Variants in GRIK4 observed in about 807,000 individuals in gnomAD.
GRIK4 encodes glutamate ionotropic receptor kainate type subunit 4.
GRIK4 carries 40 observed loss-of-function variants against 104.9 expected under a neutral mutation model. The observed-to-expected ratio is 0.38, with a 90% CI of 0.30 to 0.50. The LOEUF (loss-of-function observed/expected upper bound fraction) is 0.50, where lower values mean the gene tolerates loss of function less well. GRIK4 is among the 20% of genes least tolerant of loss of function. The pLI, the probability that GRIK4 is intolerant of heterozygous loss-of-function variation, is 0.93. For synonymous variants in GRIK4, 485 were observed against 524.9 expected (o/e 0.92, Z 1.04); for missense variants, 1,047 against 1,308.1 (o/e 0.80, Z 3.08).
intron 1 of GRIK4, among the ~76,000 whole-genome samples, chr11:120,530,060 G>T (rs1190794333): frequency 1.3e-5 from 2 of 152,186 alleles, no homozygotes; most frequent in African/African-American, 4.8e-5. Context: ...GTCCTATGAG[G>T]CCCCATGTTC....
At chr11:120,572,868 A>T (rs988717390) in intron 1 of GRIK4, among the ~76,000 whole-genome samples, 2 of 152,078 alleles carry the variant, frequency 1.3e-5, no homozygotes, top group Admixed American at 1.3e-4. Flanking sequence ...AAATGACCCA[A>T]CTAAGGCCAT....
intron 8 of GRIK4, among the ~76,000 whole-genome samples, chr11:120,844,820 T>G (rs1565388024): frequency 2.0e-5 from 3 of 152,182 alleles, no homozygotes; most frequent in East Asian, 3.8e-4. Flanking sequence ...AGACACAATT[T>G]CAGGGGTTCT....
chr11:120,528,692 A>G (rs1287707355), intron 1 of GRIK4, among the ~76,000 whole-genome samples: 1 of 152,216 alleles, frequency 6.6e-6, no homozygotes, highest in Non-Finnish European at 1.5e-5. Flanking sequence ...CACATCTTAC[A>G]TGAATGGCAG....
rs371905973 is a variant in GRIK4 at position 120,802,980 on chromosome 11, G to A, written c.247+123G>A. The A allele has an allele frequency of 6.8e-6, 6 of 878,888 alleles. No homozygotes were observed. The African/African-American group carries it at 8.4e-5, about 12-fold the overall frequency. The allele number at this position is 878,888 out of a possible 1,614,324, so 54.4% of individuals were successfully genotyped here. ...TCTGATGTCGATATTTCCAGAGGAAGGAGAGGAACTTGAACCAGGAGGTCC... is the reference window on the plus strand; with the variant it reads ...TCTGATGTCGATATTTCCAGAGGAAAGAGAGGAACTTGAACCAGGAGGTCC... On this transcript the variant is annotated intron_variant, in intron 4 of 20. Coordinates refer to ENST00000527524, the MANE Select transcript of GRIK4 (RefSeq NM_014619.5).
At chr11:120,928,912 G>A (rs1422809590) in intron 13 of GRIK4, among the ~76,000 whole-genome samples, 2 of 152,192 alleles carry the variant, frequency 1.3e-5, no homozygotes, top group Non-Finnish European at 2.9e-5. Flanking sequence ...CTGGCCCAGT[G>A]AGCAGGGATG....
At chr11:120,973,631 A>C (rs1309430969) in intron 19 of GRIK4, among the ~76,000 whole-genome samples, 2 of 152,240 alleles carry the variant, frequency 1.3e-5, no homozygotes, top group Admixed American at 1.3e-4. Flanking sequence ...CTACTGTCCC[A>C]GCCATAGCTG....
intron 1 of GRIK4, among the ~76,000 whole-genome samples, chr11:120,528,209 T>C (rs1947880791): frequency 6.6e-6 from 1 of 152,210 alleles, no homozygotes; most frequent in Non-Finnish European, 1.5e-5. Context: ...ACTGCTGAGC[T>C]CAAGCAGTCT....
chr11:120,594,675 A>G (rs757700886), intron 1 of GRIK4, among the ~76,000 whole-genome samples: 8 of 152,096 alleles, frequency 5.3e-5, no homozygotes, highest in Non-Finnish European at 1.0e-4. Flanking sequence ...TTGTTCAGAT[A>G]TAGGGTACTT....
chr11:120,587,412 C>G (rs527345618), intron 1 of GRIK4, among the ~76,000 whole-genome samples: 1 of 152,282 alleles, frequency 6.6e-6, no homozygotes, highest in African/African-American at 2.4e-5. Flanking sequence ...GGGTTTGAAT[C>G]TTAGCTCTGC....
intron 1 of GRIK4, among the ~76,000 whole-genome samples, chr11:120,575,491 A>G (rs1217341987): frequency 6.6e-6 from 1 of 152,048 alleles, no homozygotes; most frequent in Non-Finnish European, 1.5e-5. Flanking sequence ...AAGAAATGCA[A>G]AGAGCTTTCT....
At chr11:120,984,171 A>T (rs528059932) in intron 20 of GRIK4, among the ~76,000 whole-genome samples, 1 of 152,254 alleles carries the variant, frequency 6.6e-6, no homozygotes, top group Non-Finnish European at 1.5e-5. Flanking sequence ...AGCAGTCCCA[A>T]TAGCTAAAAT....
In GRIK4 at chr11:120,967,930, A is replaced by C. The variant is rs989495017; in HGVS notation, c.2395+607A>C. Among the ~76,000 whole-genome samples the C allele has an allele frequency of 2.0e-5, 3 of 151,238 alleles. No homozygotes were observed. The highest frequency in any genetic ancestry group is 7.3e-5 in the African/African-American group (3 of 41,176). On this transcript the variant is annotated intron_variant, in intron 19 of 20. Coordinates refer to ENST00000527524, the MANE Select transcript of GRIK4 (RefSeq NM_014619.5). This position sits in a 1 kb window ranked among gnomAD's most constrained non-coding sequence, Gnocchi z 4.2. Reference sequence around the variant, plus strand: ...TCGAAGAGCTCTTCACTCCCACCCTACACATTTCTCTCCATCACCTTAACC... The same window carrying C: ...TCGAAGAGCTCTTCACTCCCACCCTCCACATTTCTCTCCATCACCTTAACC...
At chr11:120,583,973 C>G (rs75434099) in intron 1 of GRIK4, among the ~76,000 whole-genome samples, 1 of 152,144 alleles carries the variant, frequency 6.6e-6, no homozygotes, top group African/African-American at 2.4e-5. Flanking sequence ...CTTTTTGTGG[C>G]TATTGTGAAT....
intron 11 of GRIK4, among the ~76,000 whole-genome samples, chr11:120,879,618 C>A (rs966689539): frequency 1.3e-5 from 2 of 152,160 alleles, no homozygotes; most frequent in African/African-American, 2.4e-5. Flanking sequence ...TTGGGACTGA[C>A]CTTGTGGAGC....
chr11:120,750,649 G>A (rs3132781), intron 3 of GRIK4, among the ~76,000 whole-genome samples: 16,990 of 152,116 alleles, frequency 0.11, 1,219 homozygotes, highest in South Asian at 0.24. Context: ...GATTACAGGC[G>A]TGAGCTGCCA....
At chr11:120,653,251 A>G (rs751135780) in intron 1 of GRIK4, among the ~76,000 whole-genome samples, 1 of 152,240 alleles carries the variant, frequency 6.6e-6, no homozygotes, top group Non-Finnish European at 1.5e-5. Context: ...GTCTCTTTCC[A>G]TTGAGAGAGA....
intron 1 of GRIK4, among the ~76,000 whole-genome samples, chr11:120,598,120 C>A (rs1405811947): frequency 6.6e-6 from 1 of 152,176 alleles, no homozygotes; most frequent in Non-Finnish European, 1.5e-5. Context: ...CCCTTCTGTT[C>A]TTTCCACTCT....
At chr11:120,644,058 AG>A (rs797002762) in intron 1 of GRIK4, among the ~76,000 whole-genome samples, 15,390 of 103,658 alleles carry the variant, frequency 0.15, 1,135 homozygotes, top group African/African-American at 0.28. Flanking sequence ...AGAGAGAGAG[AG>A]GAGAGAGAGA....
intron 9 of GRIK4, among the ~76,000 whole-genome samples, chr11:120,862,875 A>T (rs972719822): frequency 6.6e-6 from 1 of 152,112 alleles, no homozygotes; most frequent in African/African-American, 2.4e-5. Context: ...CATTATACAC[A>T]ATATTTTATT....
Sources: gnomAD v4.1 joint callset for allele counts (sites outside exome capture counted in the v4.1 genomes callset) on GRCh38, gnomAD v4.1.1 for gene constraint, Gnocchi (gnomAD v3.1) non-coding constraint, MANE v1.5 for transcripts, NCBI Gene and HGNC (gene_info 2026-07-23, HGNC 2026-07-21) for gene names.